LINGO2: variants seen among roughly 807,000 people sequenced by gnomAD.
LINGO2 encodes the protein leucine-rich repeat and immunoglobulin-like domain-containing nogo receptor-interacting protein 2.
LINGO2 carries 14 observed loss-of-function variants against 30.6 expected under a neutral mutation model. That is an observed-to-expected ratio of 0.46 (90% CI 0.30 to 0.72). LINGO2 has a LOEUF of 0.72. Among genes scored for constraint, LINGO2 ranks in the 30% least tolerant of loss-of-function variants. LINGO2 has a pLI of 0.07. For synonymous variants in LINGO2, 317 were observed against 288.5 expected, an observed-to-expected ratio of 1.10 and a Z score of -1.00; for missense variants, 729 against 751.7, an observed-to-expected ratio of 0.97 and a Z score of 0.35.
At chr9:28,526,511 A>AT (rs1205027859) in intron 1 of LINGO2, among the ~76,000 whole-genome samples, 3 of 152,212 alleles carry the variant, frequency 2.0e-5, no homozygotes, top group African/African-American at 7.2e-5. Flanking sequence ...GACCTACCCT[A>AT]TGATAGCAAG....
intron 1 of LINGO2, among the ~76,000 whole-genome samples, chr9:28,571,764 A>G (rs764737801): frequency 1.3e-5 from 2 of 152,020 alleles, no homozygotes; most frequent in Non-Finnish European, 1.5e-5. Context: ...TTAACTGTCT[A>G]TTTTTTAATG....
At chr9:28,328,767 T>C (rs112546770) in intron 3 of LINGO2, among the ~76,000 whole-genome samples, 4,946 of 152,166 alleles carry the variant, frequency 0.033, 161 homozygotes, top group South Asian at 0.093. Context: ...CTCAAATAAG[T>C]TATAGGATTC....
intron 1 of LINGO2, among the ~76,000 whole-genome samples, chr9:28,553,756 G>C (rs1021928063): frequency 6.6e-6 from 1 of 151,728 alleles, no homozygotes; most frequent in Non-Finnish European, 1.5e-5. Flanking sequence ...GAGAAAGGTC[G>C]GGTTACCCTC....
intron 1 of LINGO2, among the ~76,000 whole-genome samples, chr9:28,530,686 A>G (rs1564270020): frequency 6.6e-6 from 1 of 152,182 alleles, no homozygotes; most frequent in Admixed American, 6.5e-5. Context: ...ATAAAAATCA[A>G]TAACATATTA....
At chr9:27,982,358 T>G (rs1158509094) in intron 5 of LINGO2, among the ~76,000 whole-genome samples, 1 of 151,842 alleles carries the variant, frequency 6.6e-6, no homozygotes, top group Non-Finnish European at 1.5e-5. Context: ...GAAGTAAATC[T>G]GTGAGATTTC....
At chr9:29,148,292 A>G in the LINGO2 span, among the ~76,000 whole-genome samples, 3 of 152,202 alleles carry the variant, frequency 2.0e-5, no homozygotes, top group African/African-American at 7.2e-5. Context: ...CATTTCACTA[A>G]GAGAAAACAG....
At chr9:29,032,117 A>C in the LINGO2 span, among the ~76,000 whole-genome samples, 1 of 152,206 alleles carries the variant, frequency 6.6e-6, no homozygotes, top group Non-Finnish European at 1.5e-5. Flanking sequence ...CATACGTTTT[A>C]AATTTTTCTA....
chr9:28,233,061 T>TATATATATAAAA (rs60875467), intron 4 of LINGO2, among the ~76,000 whole-genome samples: 2 of 118,830 alleles, frequency 1.7e-5, no homozygotes, highest in African/African-American at 3.6e-5. Flanking sequence ...TATATATATA[T>TATATATATAAAA]TAGATATATA....
At chr9:28,425,668 A>T (rs1384880039) in intron 2 of LINGO2, among the ~76,000 whole-genome samples, 1 of 152,044 alleles carries the variant, frequency 6.6e-6, no homozygotes, top group East Asian at 1.9e-4. Context: ...ATCAAATCCA[A>T]TGAAATCTAC....
intron 1 of LINGO2, among the ~76,000 whole-genome samples, chr9:28,558,718 T>C (rs1030074104): frequency 7.2e-5 from 11 of 152,112 alleles, no homozygotes; most frequent in African/African-American, 2.2e-4. Context: ...TTCTGCACTG[T>C]CATTTTAGCA....
At chr9:28,051,048 C>T (rs993796651) in intron 4 of LINGO2, among the ~76,000 whole-genome samples, 17 of 150,756 alleles carry the variant, frequency 1.1e-4, no homozygotes, top group Admixed American at 3.3e-4. Context: ...TTCTCAGTTC[C>T]AGCTTTTAGC....
At chr9:28,718,509 T>C in the LINGO2 span, among the ~76,000 whole-genome samples, 1 of 152,046 alleles carries the variant, frequency 6.6e-6, no homozygotes, top group African/African-American at 2.4e-5. Context: ...TACTTCATAA[T>C]TGCTTGATTT....
At chr9:28,511,253 C>T (rs1277823993) in intron 1 of LINGO2, among the ~76,000 whole-genome samples, 3 of 152,114 alleles carry the variant, frequency 2.0e-5, no homozygotes, top group African/African-American at 7.2e-5. Context: ...GTGTCTATTC[C>T]AGTGAGGAAA....
At chr9:29,015,440 A>G in the LINGO2 span, among the ~76,000 whole-genome samples, 1 of 152,182 alleles carries the variant, frequency 6.6e-6, no homozygotes, top group African/African-American at 2.4e-5. Context: ...TTTAAGCTTA[A>G]TAGATCATAG....
chr9:29,158,688 C>T, the LINGO2 span, among the ~76,000 whole-genome samples: 1 of 152,010 alleles, frequency 6.6e-6, no homozygotes, highest in African/African-American at 2.4e-5. Context: ...CACATTTTTC[C>T]CACTCAGCCT....
At chr9:29,154,855 T>G in the LINGO2 span, among the ~76,000 whole-genome samples, 336 of 152,210 alleles carry the variant, frequency 2.2e-3, 1 homozygote, top group African/African-American at 7.7e-3. Context: ...ATGAAAGAAG[T>G]GTTGATGTTA....
At chr9:29,109,952 T>A in the LINGO2 span, among the ~76,000 whole-genome samples, 2 of 152,162 alleles carry the variant, frequency 1.3e-5, no homozygotes, top group Non-Finnish European at 2.9e-5. Flanking sequence ...AAAACGAAGG[T>A]CATTCCTTGT....
chr9:29,037,400 AGT>A, the LINGO2 span, among the ~76,000 whole-genome samples: 1 of 151,924 alleles, frequency 6.6e-6, no homozygotes, highest in Non-Finnish European at 1.5e-5. Context: ...TTGAAGTTTT[AGT>A]GGAACTTAAT....
At chr9:28,685,762 A>C in the LINGO2 span, among the ~76,000 whole-genome samples, 7 of 152,156 alleles carry the variant, frequency 4.6e-5, no homozygotes, top group Admixed American at 4.6e-4. Flanking sequence ...CAGATATGGA[A>C]AAAATTCATC....
Sources: allele counts gnomAD v4.1 joint callset (sites outside exome capture counted in the v4.1 genomes callset), GRCh38; gene constraint gnomAD v4.1.1; transcripts MANE v1.5; gene names NCBI Gene and HGNC (gene_info 2026-07-23, HGNC 2026-07-21).